Variants in VANGL1 observed in about 807,000 individuals in gnomAD.
The protein encoded by VANGL1 is vang-like protein 1.
Under a neutral mutation model 48.4 loss-of-function variants are expected in VANGL1, and 18 were observed. That is an observed-to-expected ratio of 0.37 (90% CI 0.26 to 0.55). VANGL1 has a LOEUF of 0.55. Among genes scored for constraint, VANGL1 ranks in the 20% least tolerant of loss-of-function variants. The pLI, the probability that VANGL1 is intolerant of heterozygous loss-of-function variation, is 0.81. For missense variants in VANGL1, 667 were observed against 675.8 expected (o/e 0.99, Z 0.14); for synonymous variants, 257 against 261.8 (o/e 0.98, Z 0.18).
intron 4 of VANGL1, among the ~76,000 whole-genome samples, chr1:115,680,280 G>A: frequency 6.6e-6 from 1 of 152,072 alleles, no homozygotes; most frequent in East Asian, 1.9e-4. Flanking sequence ...CCTGTCCCAG[G>A]CAGCCAGAAG....
At chr1:115,648,178 A>AGCAATGTCATTGCTGT (rs1652009715) in intron 1 of VANGL1, among the ~76,000 whole-genome samples, 1 of 152,216 alleles carries the variant, frequency 6.6e-6, no homozygotes, top group Admixed American at 6.5e-5. Flanking sequence ...GCTGTGCCCT[A>AGCAATGTCATTGCTGT]GCATTGCCTA....
In VANGL1 at chr1:115,675,660, C is replaced by T. The variant is rs146633921; in HGVS notation, c.813-6704C>T. On this transcript the variant is annotated intron_variant, in intron 4 of 7. Transcript: ENST00000355485. ...ACTAAAAATCAGCCAGGCATGGTGG[C>T]GTGCGCCTGTAATCCCAGCTACTTG... is the stretch of plus-strand genomic sequence containing the variant. Among the ~76,000 whole-genome samples, 595 of 152,202 alleles carry T rather than the reference C, an allele frequency of 3.9e-3. 2 individuals carry two copies. Among genetic ancestry groups the T allele is most frequent in the African/African-American group, 0.011 (460 of 41,526 alleles).
chr1:115,659,533 G>A, intron 2 of VANGL1, 108 bp from the exon 3 acceptor site: 1 of 1,305,236 alleles, frequency 7.7e-7, no homozygotes, highest in Non-Finnish European at 1.1e-6. Flanking sequence ...GTGTGTGTGT[G>A]TGTGTGTATG....
intron 2 of VANGL1, among the ~76,000 whole-genome samples, chr1:115,654,160 A>G (rs1652255640): frequency 1.3e-5 from 2 of 152,092 alleles, no homozygotes; most frequent in Admixed American, 1.3e-4. Context: ...GGGAACTTGA[A>G]TGGAAGGGTA....
chr1:115,679,181 A>G (rs548807860), intron 4 of VANGL1, among the ~76,000 whole-genome samples: 1 of 152,306 alleles, frequency 6.6e-6, no homozygotes, highest in East Asian at 1.9e-4. Context: ...CAGCTCCAGC[A>G]TTGGCTTCTC....
At chr1:115,655,399 A>AC (rs1383117277) in intron 2 of VANGL1, among the ~76,000 whole-genome samples, 1 of 152,232 alleles carries the variant, frequency 6.6e-6, no homozygotes, top group African/African-American at 2.4e-5. Context: ...AACCACCTAA[A>AC]CAGATGCATT....
intron 1 of VANGL1, among the ~76,000 whole-genome samples, chr1:115,646,860 G>C (rs937834267): frequency 6.6e-6 from 1 of 152,206 alleles, no homozygotes; most frequent in Non-Finnish European, 1.5e-5. Flanking sequence ...GAGATTGAAG[G>C]ATCAGGAAAG....
At chr1:115,668,644 C>T (rs1652873182) in intron 4 of VANGL1, among the ~76,000 whole-genome samples, 1 of 152,232 alleles carries the variant, frequency 6.6e-6, no homozygotes, top group African/African-American at 2.4e-5. Context: ...CCAGGAGGTT[C>T]TTTAGCTGAT....
Position 115,694,020 on chromosome 1 carries a change from G to T in VANGL1, c.*2641G>T, listed in dbSNP as rs555178744. On this transcript the variant is annotated 3_prime_UTR_variant, in exon 8 of 8. Coordinates refer to ENST00000355485, the MANE Select transcript of VANGL1 (RefSeq NM_138959.3). ...TAATGAGGAGTCTATATCTGAGATT[G>T]CTCTCTTCCCTGGTGATGTTTTAAC... is the stretch of plus-strand genomic sequence containing the variant. The T allele has an allele frequency of 2.0e-5, 3 of 152,246 alleles. No individual in the cohort carries two copies. The East Asian group carries it at 5.8e-4, about 29-fold the overall frequency. 9.4% of individuals were successfully genotyped at this position (152,246 alleles called of 1,614,324 possible). A position where few individuals can be genotyped will look rare whatever the true frequency, so the allele number is the denominator to read the frequency against.
rs553622380 is a variant in VANGL1 at position 115,677,390 on chromosome 1, GA to G, written c.813-4970del. On this transcript the variant is annotated intron_variant, in intron 4 of 7. Transcript: ENST00000355485. The stretch of plus-strand genomic sequence containing the variant: ...CATTCCACCCTCTTTGTCCTGCAAA[GA>G]AAATAGGCCAGTAGGCAATGTGGTC... Among the ~76,000 whole-genome samples the G allele has an allele frequency of 2.1e-3, 317 of 152,278 alleles. 1 individual carries two copies. Among genetic ancestry groups the G allele is most frequent in the African/African-American group, 7.4e-3 (307 of 41,558 alleles).
In VANGL1 at chr1:115,691,275, G is replaced by A. The variant is rs755185734; in HGVS notation, c.1471G>A (p.Val491Ile). ...CCTTAAGTGCTTGGACTTCAGCCTC[G>A]TAGTCAATGTGAAGAAAATTCCATT... The part of the protein sequence containing the change: ...FVLKCLDFSL[V>I]VNVKKIPFII... The change falls in exon 8 of 8, where the codon GTA becomes ATA. Residue 491 changes from valine (V) to isoleucine (I), a missense_variant. Physicochemically the swap from Val to Ile is conservative, Grantham distance 29. Transcript: ENST00000355485. The A allele has an allele frequency of 2.9e-5, 46 of 1,613,954 alleles. No homozygotes were observed. The highest frequency in any genetic ancestry group is 8.9e-5 in the East Asian group (4 of 44,882).
At position 115,691,170 on chromosome 1, in the gene VANGL1, G is replaced by C; in HGVS notation, c.1366G>C (p.Asp456His). 6.2e-7 allele frequency: 1 copy of C among 1,613,996 alleles called. No homozygotes were observed. Residue 456 changes from aspartate (D) to histidine (H), a missense_variant, in exon 8 of 8, where the codon GAC (aspartate) becomes CAC (histidine). Coordinates refer to ENST00000355485, the MANE Select transcript of VANGL1 (RefSeq NM_138959.3). ...SAGPTLQYDKDRWLSTQWRLV... is the reference protein window; with the variant it reads ...SAGPTLQYDKHRWLSTQWRLV... ...GGGCCCCACCCTGCAATATGACAAG[G>C]ACCGCTGGCTCTCTACACAGTGGAG...
At chr1:115,642,510 A>G (rs1397452192) in intron 1 of VANGL1, 1 of 152,272 alleles carries the variant, frequency 6.6e-6, no homozygotes, top group East Asian at 2.0e-4. Context: ...GGGCGGCTGC[A>G]GCAGCCGTGC....
chr1:115,687,445 A>G (rs1207939658), intron 7 of VANGL1, among the ~76,000 whole-genome samples: 1 of 138,810 alleles, frequency 7.2e-6, no homozygotes, highest in Non-Finnish European at 1.6e-5. Context: ...TCTTTTTACA[A>G]GATTTTAGAA....
chr1:115,657,380 G>A (rs1652390723), intron 2 of VANGL1, among the ~76,000 whole-genome samples: 1 of 152,156 alleles, frequency 6.6e-6, no homozygotes. Context: ...CCTGAATTCA[G>A]GTCTGCCACT....
chr1:115,659,788 TG>T lies in VANGL1; in HGVS notation c.204+17del. On this transcript the variant is annotated intron_variant, in intron 3 of 7. Transcript: ENST00000355485. ...AGGAAGTTCAGGTAAGGATCAAAGGTGGTCTGTAAGCACACTGCCACTTGGC... is the reference window on the plus strand; with the variant it reads ...AGGAAGTTCAGGTAAGGATCAAAGGTGTCTGTAAGCACACTGCCACTTGGC... The T allele has an allele frequency of 6.2e-7, 1 of 1,614,030 alleles. No individual in the cohort carries two copies. The highest frequency in any genetic ancestry group is 2.2e-5 in the East Asian group (1 of 44,864).
Position 115,685,397 on chromosome 1 carries a change from A to C in VANGL1, c.1184A>C (p.Gln395Pro), listed in dbSNP as rs1224479712. The part of the protein sequence containing the change: ...GEVMDPREAA[Q>P]AIFPSMARAL... ...GTGATGGACCCTAGGGAGGCCGCCC[A>C]GGCCATTTTCCCCTCCATGGCCAGG... is the stretch of plus-strand genomic sequence containing the variant. The change falls in exon 7 of 8, where the codon CAG (glutamine) becomes CCG (proline). Residue 395 changes from glutamine (Q) to proline (P), a missense_variant. Transcript: ENST00000355485. 18 of 1,614,136 alleles carry C rather than the reference A, an allele frequency of 1.1e-5. No individual in the cohort carries two copies. Among genetic ancestry groups the C allele is most frequent in the East Asian group, 2.2e-5 (1 of 44,868 alleles).
Position 115,697,782 on chromosome 1 carries a change from A to C in VANGL1, c.*6403A>C, listed in dbSNP as rs1654082984. 6.6e-6 allele frequency: 1 copy of C among 152,216 alleles called. No individual in the cohort carries two copies. Among genetic ancestry groups the C allele is most frequent in the Non-Finnish European group, 1.5e-5 (1 of 68,034 alleles). The allele number at this position is 152,216 out of a possible 1,614,324, so 9.4% of individuals were successfully genotyped here. A position where few individuals can be genotyped will look rare whatever the true frequency, so the allele number is the denominator to read the frequency against. On this transcript the variant is annotated 3_prime_UTR_variant, in exon 8 of 8. Transcript: ENST00000355485. ...CAGAGTCATAACGGTTTGTGTAAAAATGTGGTCAGGGACCTTTTTTGTTCT... is the reference window on the plus strand; with the variant it reads ...CAGAGTCATAACGGTTTGTGTAAAACTGTGGTCAGGGACCTTTTTTGTTCT...
intron 3 of VANGL1, 133 bp downstream of exon 3, chr1:115,659,906 G>A: frequency 7.8e-7 from 1 of 1,277,470 alleles, no homozygotes. Flanking sequence ...TATGTCCCAT[G>A]GTCTCTTGTT....
Sources: gnomAD v4.1 joint callset for allele counts (sites outside exome capture counted in the v4.1 genomes callset) on GRCh38, gnomAD v4.1.1 for gene constraint, MANE v1.5 for transcripts, NCBI Gene and HGNC (gene_info 2026-07-23, HGNC 2026-07-21) for gene names.